Variants in CTNNA2 observed in about 807,000 individuals in gnomAD.
CTNNA2 encodes the protein catenin alpha 2, also known as catenin alpha-2.
A neutral mutation model predicts 101.0 loss-of-function variants in CTNNA2; 42 were observed. That is an observed-to-expected ratio of 0.42 (90% CI 0.32 to 0.54). CTNNA2 has a LOEUF of 0.54. CTNNA2 is among the 20% of genes least tolerant of loss of function. CTNNA2 has a pLI of 0.14. For synonymous variants in CTNNA2, 450 were observed against 456.4 expected (o/e 0.99, Z 0.18); for missense variants, 871 against 1,223.1 (o/e 0.71, Z 4.29).
rs140128042 is a variant in CTNNA2, at chr2:80,339,510, A to G, written c.1057-53701A>G. On this transcript the variant is annotated intron_variant, in intron 7 of 18. Transcript: ENST00000402739. ...CTTTCTATATAAGGTGAATACCCTGACAAATCTTATCCCAGCTATGCAGAG... is the reference window on the plus strand; with the variant it reads ...CTTTCTATATAAGGTGAATACCCTGGCAAATCTTATCCCAGCTATGCAGAG... Among the ~76,000 whole-genome samples the G allele has an allele frequency of 6.4e-4, 98 of 152,324 alleles. 2 individuals are homozygous for G. The highest frequency in any genetic ancestry group is 2.3e-3 in the African/African-American group (94 of 41,576).
rs141017059 is a variant in CTNNA2, at chr2:79,917,007, C to T, written c.1056+7210C>T. Among the ~76,000 whole-genome samples the T allele has an allele frequency of 7.4e-3, 1,127 of 152,118 alleles. 18 individuals are homozygous for T. The highest frequency in any genetic ancestry group is 0.025 in the African/African-American group (1,018 of 41,482). On this transcript the variant is annotated intron_variant, in intron 7 of 18. Coordinates refer to ENST00000402739, the MANE Select transcript of CTNNA2 (RefSeq NM_001282597.3). ...TATTGCCCAGGCTAGAGAGCAGTGG[C>T]GCGATCTTAGCTCACTGAAACCTCC...
rs1243446655 is a variant in CTNNA2 at position 80,297,025 on chromosome 2, G to A, written c.1057-96186G>A. ...CTGAGTCTAAAATCCTATTTTAAGGGGTCGGACTGAATGTACTGGCCATTT... is the reference window on the plus strand; with the variant it reads ...CTGAGTCTAAAATCCTATTTTAAGGAGTCGGACTGAATGTACTGGCCATTT... On this transcript the variant is annotated intron_variant, in intron 7 of 18. Coordinates refer to ENST00000402739, the MANE Select transcript of CTNNA2 (RefSeq NM_001282597.3). Among the ~76,000 whole-genome samples, 7 of 152,118 alleles carry A rather than the reference G, an allele frequency of 4.6e-5. No individual in the cohort carries two copies. In the East Asian group the frequency reaches 1.3e-3, roughly 29 times the overall value.
chr2:79,464,440 A>G (rs1311626274), intron 4 of CTNNA2, among the ~76,000 whole-genome samples: 1 of 152,188 alleles, frequency 6.6e-6, no homozygotes, highest in African/African-American at 2.4e-5. Flanking sequence ...GCCACACTAA[A>G]CATACGTGGG....
At chr2:80,393,561 T>C (rs1677722766) in intron 8 of CTNNA2, among the ~76,000 whole-genome samples, 1 of 152,224 alleles carries the variant, frequency 6.6e-6, no homozygotes, top group African/African-American at 2.4e-5. Flanking sequence ...ATTCACTACT[T>C]CTACATCTGG....
chr2:80,274,026 G>A (rs1054531168), intron 7 of CTNNA2, among the ~76,000 whole-genome samples: 4 of 152,128 alleles, frequency 2.6e-5, no homozygotes, highest in Non-Finnish European at 5.9e-5. Flanking sequence ...AATATTTGTC[G>A]AATGAATACA....
At chr2:79,976,972 G>C (rs1690893441) in intron 7 of CTNNA2, among the ~76,000 whole-genome samples, 1 of 152,106 alleles carries the variant, frequency 6.6e-6, no homozygotes, top group Non-Finnish European at 1.5e-5. Context: ...GTTATACAAT[G>C]AATCCTATGC....
Position 80,149,780 on chromosome 2 carries a change from A to T in CTNNA2, c.1056+239983A>T, listed in dbSNP as rs866447183. 6.5e-3 allele frequency among the ~76,000 whole-genome samples: 879 copies of T among 135,024 alleles called. 10 individuals carry two copies. The highest frequency in any genetic ancestry group is 0.028 in the African/African-American group (836 of 29,866). The allele number at this position is 135,024 out of a possible 152,430, so 88.6% of individuals were successfully genotyped here. ...AATACTCGATTAGAATGGATCACACACACACACACACACACACACACACAC... is the reference window on the plus strand; with the variant it reads ...AATACTCGATTAGAATGGATCACACTCACACACACACACACACACACACAC... On this transcript the variant is annotated intron_variant, in intron 7 of 18. Transcript: ENST00000402739.
intron 2 of CTNNA2, among the ~76,000 whole-genome samples, chr2:79,307,583 T>C (rs10184992): frequency 0.18 from 27,218 of 152,190 alleles, 2,822 homozygotes; most frequent in African/African-American, 0.29. Context: ...AATAGTATTC[T>C]ATTGTGTATA....
chr2:80,399,709 T>C (rs1678379262), intron 8 of CTNNA2, among the ~76,000 whole-genome samples: 7 of 152,184 alleles, frequency 4.6e-5, no homozygotes, highest in Admixed American at 4.6e-4. Context: ...TGTCTGTGTT[T>C]GGTTCAATTC....
chr2:79,914,892 A>G (rs1171344898), intron 7 of CTNNA2, among the ~76,000 whole-genome samples: 2 of 152,154 alleles, frequency 1.3e-5, no homozygotes, highest in Non-Finnish European at 2.9e-5. Context: ...ATATGGGAAC[A>G]TATATACATA....
chr2:79,947,735 G>C (rs1013289143), intron 7 of CTNNA2, among the ~76,000 whole-genome samples: 1 of 152,160 alleles, frequency 6.6e-6, no homozygotes, highest in African/African-American at 2.4e-5. Flanking sequence ...TACACCCTCT[G>C]TTCCCTGAGT....
chr2:79,889,429 G>A (rs1684148843), intron 6 of CTNNA2, among the ~76,000 whole-genome samples: 1 of 152,136 alleles, frequency 6.6e-6, no homozygotes, highest in African/African-American at 2.4e-5. Context: ...ATGATTAGCA[G>A]GCACCCAACA....
intron 3 of CTNNA2, among the ~76,000 whole-genome samples, chr2:79,796,767 G>A (rs985723694): frequency 2.0e-5 from 3 of 152,154 alleles, no homozygotes; most frequent in East Asian, 3.9e-4. Context: ...TGATCAAAGC[G>A]GGTTACTAGG....
At chr2:80,330,276 T>TGG (rs1403427206) in intron 7 of CTNNA2, among the ~76,000 whole-genome samples, 29 of 152,220 alleles carry the variant, frequency 1.9e-4, no homozygotes, top group African/African-American at 5.8e-4. Flanking sequence ...TACTTAACAG[T>TGG]ACCTGCTGAG....
intron 3 of CTNNA2, among the ~76,000 whole-genome samples, chr2:79,316,052 C>T (rs1382323716): frequency 1.3e-5 from 2 of 152,048 alleles, no homozygotes; most frequent in Admixed American, 6.6e-5. Context: ...AAGAAGATTA[C>T]TCCCAAGTTT....
chr2:80,640,735 T>C (rs1333802842), intron 18 of CTNNA2, among the ~76,000 whole-genome samples: 1 of 152,218 alleles, frequency 6.6e-6, no homozygotes, highest in Non-Finnish European at 1.5e-5. Flanking sequence ...TTCTAACCTC[T>C]AATTCATTAA....
intron 2 of CTNNA2, among the ~76,000 whole-genome samples, chr2:79,262,836 G>A (rs1438276771): frequency 6.6e-6 from 1 of 152,120 alleles, no homozygotes; most frequent in African/African-American, 2.4e-5. Context: ...ATAAGCCACA[G>A]TGCAAAAGGC....
At chr2:79,627,570 T>C (rs1679402762) in intron 1 of CTNNA2, among the ~76,000 whole-genome samples, 1 of 152,254 alleles carries the variant, frequency 6.6e-6, no homozygotes, top group South Asian at 2.1e-4. Context: ...AATTCAATTC[T>C]GTCTTTATAA....
intron 3 of CTNNA2, among the ~76,000 whole-genome samples, chr2:79,847,346 C>A (rs1680309151): frequency 6.6e-6 from 1 of 151,666 alleles, no homozygotes; most frequent in Non-Finnish European, 1.5e-5. Context: ...AGTTCGAGAC[C>A]AGCTTGATCT....
Sources: allele counts gnomAD v4.1 joint callset (sites outside exome capture counted in the v4.1 genomes callset), GRCh38; gene constraint gnomAD v4.1.1; transcripts MANE v1.5; gene names NCBI Gene and HGNC (gene_info 2026-07-23, HGNC 2026-07-21).